AGBL3: variants seen among roughly 807,000 people sequenced by gnomAD.
The protein encoded by AGBL3 is cytosolic carboxypeptidase 3.
AGBL3 carries 68 observed loss-of-function variants against 94.5 expected under a neutral mutation model. The observed-to-expected ratio is 0.72, with a 90% confidence interval of 0.59 to 0.88. The LOEUF (loss-of-function observed/expected upper bound fraction) is 0.88. AGBL3 is among the 40% of genes least tolerant of loss of function. The probability of loss-of-function intolerance (pLI) is 0.00; values close to 1 mark genes in which losing one functional copy is unlikely to be tolerated. For missense variants in AGBL3, 934 were observed against 1,103.8 expected, an observed-to-expected ratio of 0.85 and a Z score of 2.18; for synonymous variants, 354 against 370.7, an observed-to-expected ratio of 0.95 and a Z score of 0.52.
chr7:135,020,054 T>A (rs546361602), intron 5 of AGBL3, among the ~76,000 whole-genome samples: 2 of 152,180 alleles, frequency 1.3e-5, no homozygotes, highest in Admixed American at 6.5e-5. Context: ...AAGCCAAAAT[T>A]GACAAATGGG....
chr7:135,016,885 AGT>A (rs1168710444), intron 4 of AGBL3, among the ~76,000 whole-genome samples, 165 bp from the exon 5 acceptor site: 8 of 152,220 alleles, frequency 5.3e-5, no homozygotes, highest in Non-Finnish European at 1.0e-4. Context: ...GTTGTATTAC[AGT>A]GTGACAATAT....
intron 16 of AGBL3, among the ~76,000 whole-genome samples, chr7:135,124,598 C>G (rs180754462): frequency 2.0e-5 from 3 of 152,326 alleles, no homozygotes; most frequent in African/African-American, 7.2e-5. Flanking sequence ...AATATACGTT[C>G]TTCTCTGTGC....
chr7:135,001,509 T>C (rs1468302973), intron 4 of AGBL3, among the ~76,000 whole-genome samples: 1 of 152,174 alleles, frequency 6.6e-6, no homozygotes, highest in African/African-American at 2.4e-5. Context: ...CTAAGGTAAA[T>C]AGAACAGATT....
chr7:135,108,121 G>A (rs916832124), intron 15 of AGBL3, among the ~76,000 whole-genome samples: 9 of 151,972 alleles, frequency 5.9e-5, no homozygotes, highest in Non-Finnish European at 4.4e-5. Context: ...ATGTGAGATG[G>A]GTCTCTAGAA....
chr7:135,081,910 C>A, intron 15 of AGBL3, 120 bp downstream of exon 15: 1 of 624,646 alleles, frequency 1.6e-6, no homozygotes, highest in Non-Finnish European at 2.5e-6. Flanking sequence ...TGTCAATTTG[C>A]TTTTAATTTT....
At chr7:135,092,264 A>G (rs1460971423) in intron 15 of AGBL3, 1 of 152,210 alleles carries the variant, frequency 6.6e-6, no homozygotes, top group Admixed American at 6.5e-5. Context: ...GCTCTTTGTC[A>G]TCCATAAATA....
intron 6 of AGBL3, among the ~76,000 whole-genome samples, 169 bp from the exon 7 acceptor site, chr7:135,033,980 G>T (rs945207610): frequency 1.3e-5 from 2 of 152,108 alleles, no homozygotes; most frequent in African/African-American, 4.8e-5. Flanking sequence ...CAATAAAAGG[G>T]AAAATTTCAA....
chr7:135,105,361 C>T (rs7357324), intron 15 of AGBL3, among the ~76,000 whole-genome samples: 33 of 152,150 alleles, frequency 2.2e-4, no homozygotes, highest in African/African-American at 7.9e-4. Context: ...TAGGCCACTG[C>T]GCCCAACCTA....
At chr7:135,002,534 A>G (rs1229047073) in intron 4 of AGBL3, among the ~76,000 whole-genome samples, 2 of 152,094 alleles carry the variant, frequency 1.3e-5, no homozygotes, top group East Asian at 3.9e-4. Context: ...AGAGCCCCCC[A>G]CCACAACTCA....
intron 12 of AGBL3, among the ~76,000 whole-genome samples, chr7:135,061,723 T>A (rs968555359): frequency 9.9e-5 from 15 of 152,122 alleles, no homozygotes; most frequent in Non-Finnish European, 2.2e-4. Context: ...TTTGGGGCTA[T>A]TTCATTCTAT....
Position 134,993,503 on chromosome 7 carries a change from T to C in AGBL3, c.135T>C (p.Phe45=), listed in dbSNP as rs764409851. Residue 45 remains phenylalanine (F), a synonymous_variant, in exon 4 of 17, where the codon TTT becomes TTC. Transcript: ENST00000436302. ...HRCALLTADS[F]GDPFFPRTTQ... ...GAATCTTTTTCTCAGCTGACTCTTT[T>C]GGTGATCCCTTCTTCCCCCGGACTA... The C allele has an allele frequency of 5.2e-6, 8 of 1,546,514 alleles. No homozygotes were observed. The highest frequency in any genetic ancestry group is 2.4e-5 in the East Asian group (1 of 40,824).
intron 13 of AGBL3, among the ~76,000 whole-genome samples, chr7:135,077,438 C>T (rs1377831483): frequency 6.6e-6 from 1 of 152,134 alleles, no homozygotes; most frequent in Non-Finnish European, 1.5e-5. Context: ...GGAAGAGTGC[C>T]ATTTCCTCCA....
intron 4 of AGBL3, chr7:135,011,442 C>T (rs1488050157): frequency 2.6e-5 from 4 of 151,316 alleles, no homozygotes; most frequent in African/African-American, 9.7e-5. Flanking sequence ...TTAAAAACCT[C>T]AGTTCATCAA....
At position 135,007,315 on chromosome 7, in the gene AGBL3, C is replaced by T. The variant is rs577126957; in HGVS notation, c.311-9737C>T. 4.6e-5 allele frequency among the ~76,000 whole-genome samples: 7 copies of T among 151,882 alleles called. No individual in the cohort carries two copies. The South Asian group carries it at 1.5e-3, about 32-fold the overall frequency. ...CAAAATACTAGCAAACTAAATCCAG[C>T]AACAAATAAAAAGAATATGTATCAT... On this transcript the variant is annotated intron_variant, in intron 4 of 16. Transcript: ENST00000436302.
intron 16 of AGBL3, among the ~76,000 whole-genome samples, chr7:135,132,593 C>A (rs557306743): frequency 1.3e-5 from 2 of 152,108 alleles, no homozygotes; most frequent in Admixed American, 1.3e-4. Context: ...TTGTAATAAT[C>A]CCCACGTGTC....
intron 8 of AGBL3, among the ~76,000 whole-genome samples, chr7:135,040,377 A>G (rs367659793): frequency 1.3e-5 from 2 of 152,164 alleles, no homozygotes; most frequent in Non-Finnish European, 2.9e-5. Flanking sequence ...TCTCACCAAA[A>G]TATTAGCATA....
At chr7:135,029,838 A>C (rs1159991597) in intron 5 of AGBL3, among the ~76,000 whole-genome samples, 2 of 152,178 alleles carry the variant, frequency 1.3e-5, no homozygotes, top group Non-Finnish European at 2.9e-5. Flanking sequence ...TTGTAGGATT[A>C]TTAATTGGCC....
At chr7:135,095,843 A>T (rs74811174) in intron 15 of AGBL3, among the ~76,000 whole-genome samples, 27 of 152,272 alleles carry the variant, frequency 1.8e-4, no homozygotes, top group Middle Eastern at 3.4e-3. Flanking sequence ...GTGTGTTGCA[A>T]TCTGGAGTGC....
chr7:135,007,131 C>T (rs1272524761), intron 4 of AGBL3, among the ~76,000 whole-genome samples: 1 of 151,544 alleles, frequency 6.6e-6, no homozygotes, highest in African/African-American at 2.4e-5. Context: ...CCAAACAATT[C>T]CTAATTCTTC....
Sources: allele counts gnomAD v4.1 joint callset (sites outside exome capture counted in the v4.1 genomes callset), GRCh38; gene constraint gnomAD v4.1.1; transcripts MANE v1.5; gene names NCBI Gene and HGNC (gene_info 2026-07-23, HGNC 2026-07-21).